The following CD1B variants were observed in gnomAD, a reference collection of about 807,000 sequenced individuals.
CD1B encodes CD1b molecule, also known as T-cell surface glycoprotein CD1b.
Under a neutral mutation model 39.8 loss-of-function variants are expected in CD1B, and 43 were observed. That is an observed-to-expected ratio of 1.08 (90% CI 0.85 to 1.39). CD1B has a LOEUF of 1.39. Ranked by LOEUF, CD1B falls within the 40% of genes most tolerant of loss-of-function variation. The probability of loss-of-function intolerance (pLI) is 0.00; values close to 1 mark genes in which losing one functional copy is unlikely to be tolerated. For synonymous variants in CD1B, 192 were observed against 152.5 expected, an observed-to-expected ratio of 1.26 and a Z score of -1.91; for missense variants, 495 against 403.8, an observed-to-expected ratio of 1.23 and a Z score of -1.94.
downstream of CD1B, among the ~76,000 whole-genome samples, chr1:158,323,679 G>C (rs191520595): frequency 3.3e-5 from 5 of 152,330 alleles, no homozygotes; most frequent in East Asian, 9.7e-4. Flanking sequence ...TAGATCGCAT[G>C]ACTGCTGCAG....
At chr1:158,309,669 A>T in the CD1B span, among the ~76,000 whole-genome samples, 2,625 of 152,242 alleles carry the variant, frequency 0.017, 44 homozygotes, top group South Asian at 0.023. Context: ...TGATGAGTTC[A>T]TGTCCTTTGT....
chr1:158,291,962 T>C, the CD1B span: 4 of 920,676 alleles, frequency 4.3e-6, no homozygotes, highest in Non-Finnish European at 6.6e-6. Flanking sequence ...AATATGTCTT[T>C]GGCTCACTCT....
chr1:158,326,542 A>C (rs929051637), downstream of CD1B, among the ~76,000 whole-genome samples: 31 of 152,164 alleles, frequency 2.0e-4, no homozygotes, highest in African/African-American at 6.8e-4. Context: ...ACAATTGGAA[A>C]AAATTTGAAT....
chr1:158,329,308 C>T (rs1652486123), intron 4 of CD1B, 62 bp downstream of exon 4: 1 of 1,555,926 alleles, frequency 6.4e-7, no homozygotes, highest in South Asian at 1.2e-5. Flanking sequence ...TCCCCAGTGC[C>T]TCCCTCTATG....
the CD1B span, among the ~76,000 whole-genome samples, chr1:158,310,835 A>G: frequency 9.8e-5 from 15 of 152,344 alleles, no homozygotes; most frequent in African/African-American, 3.4e-4. Context: ...AAGGTTGCAG[A>G]GAAAAGAGAA....
chr1:158,331,357 TC>T lies in CD1B; in HGVS notation c.61+5del. On this transcript the variant is annotated splice_donor_5th_base_variant and intron_variant, in intron 1 of 5. Transcript: ENST00000368168. ...CAGTGCTGGGAGCTGCCAGAGTGACTCTTACCATGTTCACTGTTACCACCAG... is the reference window on the plus strand; with the variant it reads ...CAGTGCTGGGAGCTGCCAGAGTGACTTTACCATGTTCACTGTTACCACCAG... 6.2e-7 allele frequency: 1 copy of T among 1,612,832 alleles called. No individual in the cohort carries two copies. The highest frequency in any genetic ancestry group is 8.5e-7 in the Non-Finnish European group (1 of 1,178,868).
Position 158,329,142 on chromosome 1 carries a change from CATA to C in CD1B, c.887-131_887-129del, listed in dbSNP as rs1265459708. ...CTTCCTCTCTCATATTCCTGGCCACCATATATCCATCCTTTGATCCCCTCTACC... is the reference window on the plus strand; with the variant it reads ...CTTCCTCTCTCATATTCCTGGCCACCTATCCATCCTTTGATCCCCTCTACC... On this transcript the variant is annotated intron_variant, in intron 4 of 5. Coordinates refer to ENST00000368168, the MANE Select transcript of CD1B (RefSeq NM_001764.3). 6 of 937,126 alleles carry C rather than the reference CATA, an allele frequency of 6.4e-6. No individual in the cohort carries two copies. The African/African-American group carries it at 1.0e-4, about 16-fold the overall frequency. The allele number at this position is 937,126 out of a possible 1,614,324, so 58.1% of individuals were successfully genotyped here.
chr1:158,330,975 A>G lies in CD1B; in HGVS notation c.149T>C (p.Leu50Ser), dbSNP rs748223733. Reference sequence around the variant, plus strand: ...CCAGCCATGAATCTGCAAATCATCCAACCAGCCTGAGCCTTGAGTTTGTGC... The same window carrying G: ...CCAGCCATGAATCTGCAAATCATCCGACCAGCCTGAGCCTTGAGTTTGTGC... The part of the protein sequence containing the change: ...TWAQTQGSGW[L>S]DDLQIHGWDS... The change falls in exon 2 of 6, where the codon TTG becomes TCG. Residue 50 changes from leucine to serine, a missense_variant. Transcript: ENST00000368168. 6.2e-7 allele frequency: 1 copy of G among 1,614,142 alleles called. No homozygotes were observed. The highest frequency in any genetic ancestry group is 8.5e-7 in the Non-Finnish European group (1 of 1,180,020).
chr1:158,305,586 C>A, the CD1B span, among the ~76,000 whole-genome samples: 1 of 152,106 alleles, frequency 6.6e-6, no homozygotes, highest in African/African-American at 2.4e-5. Flanking sequence ...GAGAATGCCA[C>A]AAAGATACTC....
At chr1:158,309,589 T>C in the CD1B span, among the ~76,000 whole-genome samples, 362 of 151,950 alleles carry the variant, frequency 2.4e-3, no homozygotes, top group African/African-American at 7.7e-3. Context: ...CCCAAATGTC[T>C]AACAATGATA....
chr1:158,320,126 G>A, the CD1B span, among the ~76,000 whole-genome samples: 1 of 152,216 alleles, frequency 6.6e-6, no homozygotes, highest in African/African-American at 2.4e-5. Flanking sequence ...TCTGTGCCCT[G>A]CCCCCAGAGG....
the CD1B span, chr1:158,292,433 T>G: frequency 3.3e-6 from 5 of 1,534,558 alleles, no homozygotes; most frequent in South Asian, 6.2e-5. Context: ...TTCCCACCCT[T>G]CAAACTCAGG....
chr1:158,315,018 G>C, the CD1B span, among the ~76,000 whole-genome samples: 5 of 146,380 alleles, frequency 3.4e-5, no homozygotes, highest in East Asian at 8.1e-4. Context: ...AGTATTCCAT[G>C]GTGTATATAT....
At chr1:158,286,315 T>C in the CD1B span, among the ~76,000 whole-genome samples, 1 of 152,200 alleles carries the variant, frequency 6.6e-6, no homozygotes, top group Non-Finnish European at 1.5e-5. Context: ...TTGCATTTTA[T>C]ATCAATTTCA....
chr1:158,325,672 C>CAT (rs1652325997), downstream of CD1B, among the ~76,000 whole-genome samples: 1 of 152,060 alleles, frequency 6.6e-6, no homozygotes, highest in African/African-American at 2.4e-5. Context: ...CACGCACACA[C>CAT]ACAATTTCCA....
Position 158,328,050 on chromosome 1 carries a change from A to G in CD1B, c.*186T>C, listed in dbSNP as rs1024152381. The stretch of plus-strand genomic sequence containing the variant: ...TGAATCACACTGTTAGTACAGTCTC[A>G]TAATAAATTTACAGTTTTAAGTACT... On this transcript the variant is annotated 3_prime_UTR_variant, in exon 6 of 6. Coordinates refer to ENST00000368168, the MANE Select transcript of CD1B (RefSeq NM_001764.3). 8.6e-5 allele frequency: 49 copies of G among 570,284 alleles called. No homozygotes were observed. Among genetic ancestry groups the G allele is most frequent in the South Asian group, 7.1e-4 (29 of 41,036 alleles). The allele number at this position is 570,284 out of a possible 1,614,324, so 35.3% of individuals were successfully genotyped here.
the CD1B span, among the ~76,000 whole-genome samples, chr1:158,302,692 T>A: frequency 6.6e-6 from 1 of 151,984 alleles, no homozygotes; most frequent in Non-Finnish European, 1.5e-5. Flanking sequence ...CTAGAAGAAA[T>A]GGAAAAATTC....
chr1:158,328,733 A>C (rs1652458635), intron 5 of CD1B, among the ~76,000 whole-genome samples, 188 bp downstream of exon 5: 1 of 152,168 alleles, frequency 6.6e-6, no homozygotes. Context: ...AAGATGGTAA[A>C]CCTTATGTTA....
At chr1:158,292,073 C>G in the CD1B span, 7 of 1,601,574 alleles carry the variant, frequency 4.4e-6, no homozygotes, top group Admixed American at 1.8e-5. Context: ...CTCATTCCTC[C>G]CTTCCTCCAG....
Sources: allele counts gnomAD v4.1 joint callset (sites outside exome capture counted in the v4.1 genomes callset), GRCh38; gene constraint gnomAD v4.1.1; transcripts MANE v1.5; gene names NCBI Gene and HGNC (gene_info 2026-07-23, HGNC 2026-07-21).